The following VIRMA variants were observed in gnomAD, a reference collection of about 807,000 sequenced individuals.
VIRMA encodes the protein protein virilizer homolog.
In VIRMA, 65 loss-of-function variants were observed where a neutral mutation model predicts 182.4. That is an observed-to-expected ratio of 0.36 (90% CI 0.29 to 0.44). The LOEUF is 0.44. Ranked by LOEUF, VIRMA falls within the 20% of genes least tolerant of loss-of-function variation. VIRMA has a pLI of 1.00. For synonymous variants in VIRMA, 709 were observed against 743.1 expected (o/e 0.95, Z 0.75); for missense variants, 1,752 against 2,158.1 (o/e 0.81, Z 3.73).
intron 10 of VIRMA, among the ~76,000 whole-genome samples, chr8:94,516,975 A>AT (rs1814581324): frequency 2.0e-5 from 3 of 152,350 alleles, no homozygotes; most frequent in Admixed American, 2.0e-4. Flanking sequence ...AAAACTTATG[A>AT]TTAGGTATAT....
rs1814684463 is a variant in VIRMA at position 94,519,476 on chromosome 8, T to A, written c.2022A>T (p.Arg674Ser). 3 of 1,520,698 alleles carry A rather than the reference T, an allele frequency of 2.0e-6. No homozygotes were observed. Among genetic ancestry groups the A allele is most frequent in the Admixed American group, 2.3e-5 (1 of 43,722 alleles). The allele number at this position is 1,520,698 out of a possible 1,614,324, so 94.2% of individuals were successfully genotyped here. ...CCAAGAAGTGATGACTGTGAAGATATCTGTGGAAGAGTTAATTGATACATG... is the reference window on the plus strand; with the variant it reads ...CCAAGAAGTGATGACTGTGAAGATAACTGTGGAAGAGTTAATTGATACATG... ...ERDDPYPVLFRYLHSHHFLEL... is the reference protein window; with the variant it reads ...ERDDPYPVLFSYLHSHHFLEL... Residue 674 changes from arginine (R) to serine (S), a missense_variant and splice_region_variant, in exon 9 of 24, where the codon AGA becomes AGT. Arg to Ser is a moderately radical substitution (Grantham distance 110, BLOSUM62 -1). Coordinates refer to ENST00000297591, the MANE Select transcript of VIRMA (RefSeq NM_015496.5).
At chr8:94,528,058 C>A (rs948680990) in intron 7 of VIRMA, among the ~76,000 whole-genome samples, 13 of 151,720 alleles carry the variant, frequency 8.6e-5, no homozygotes, top group Non-Finnish European at 1.6e-4. Context: ...CATGGTGAAA[C>A]CCTGATCTCT....
chr8:94,511,331 A>G lies in VIRMA; in HGVS notation c.3244T>C (p.Ser1082Pro). 1.2e-6 allele frequency: 2 copies of G among 1,613,680 alleles called. No individual in the cohort carries two copies. The highest frequency in any genetic ancestry group is 8.5e-7 in the Non-Finnish European group (1 of 1,179,886). ...GTATTATTGGCCAGAGTCTCTTCTGAGATTGTGAGTTTTTCATTAACTCCT... is the reference window on the plus strand; with the variant it reads ...GTATTATTGGCCAGAGTCTCTTCTGGGATTGTGAGTTTTTCATTAACTCCT... ...TQGVNEKLTI[S>P]EETLANNTWS... Residue 1082 changes from serine (S) to proline (P), a missense_variant, in exon 13 of 24, where the codon TCA (serine) becomes CCA (proline). Ser to Pro is a moderately conservative substitution (Grantham distance 74, BLOSUM62 -1). Coordinates refer to ENST00000297591, the MANE Select transcript of VIRMA (RefSeq NM_015496.5).
intron 4 of VIRMA, among the ~76,000 whole-genome samples, chr8:94,535,270 A>G (rs1815300676): frequency 6.6e-6 from 1 of 152,062 alleles, no homozygotes; most frequent in Non-Finnish European, 1.5e-5. Flanking sequence ...GTATAACCAG[A>G]CTCCCATCCA....
At chr8:94,521,662 C>T (rs1330685821) in intron 8 of VIRMA, among the ~76,000 whole-genome samples, 1 of 152,068 alleles carries the variant, frequency 6.6e-6, no homozygotes, top group Admixed American at 6.5e-5. Flanking sequence ...TTCATAAACC[C>T]ATCAAAATAC....
rs1000310698 is a variant in VIRMA at position 94,510,569 on chromosome 8, G to C, written c.3474C>G (p.Leu1158=). 6.2e-7 allele frequency: 1 copy of C among 1,614,098 alleles called. No individual in the cohort carries two copies. The highest frequency in any genetic ancestry group is 8.5e-7 in the Non-Finnish European group (1 of 1,180,008). Residue 1158 remains leucine (L), a synonymous_variant, in exon 14 of 24, where the codon CTC becomes CTG. Transcript: ENST00000297591. ...SMHLHVQAKL[L]QEIVRSFSGT... ...CAGAGAAAGAGCGAACTATTTCTTG[G>C]AGCAACTTTGCTTGAACATGAAGGT...
chr8:94,548,364 C>T (rs749795719), intron 1 of VIRMA, among the ~76,000 whole-genome samples: 6 of 150,964 alleles, frequency 4.0e-5, no homozygotes, highest in Admixed American at 2.0e-4. Context: ...ACGTGGGCAA[C>T]GGGTGTATAC....
chr8:94,547,740 A>C (rs1563484270), intron 1 of VIRMA, among the ~76,000 whole-genome samples: 1 of 150,908 alleles, frequency 6.6e-6, no homozygotes, highest in Non-Finnish European at 1.5e-5. Flanking sequence ...CAGAAACCTA[A>C]ATGTATGAGA....
chr8:94,514,470 C>T (rs550917480), intron 11 of VIRMA, among the ~76,000 whole-genome samples: 1 of 152,266 alleles, frequency 6.6e-6, no homozygotes, highest in South Asian at 2.1e-4. Flanking sequence ...CTGGAATGGG[C>T]CCTATCAATT....
chr8:94,553,274 C>G, intron 1 of VIRMA, 111 bp downstream of exon 1: 1 of 1,092,996 alleles, frequency 9.1e-7, no homozygotes, highest in East Asian at 2.4e-5. Context: ...TGTGTGTAAG[C>G]GAGAAATTAA....
intron 5 of VIRMA, 39 bp from the exon 6 acceptor site, chr8:94,531,124 T>G: frequency 6.7e-7 from 1 of 1,500,550 alleles, no homozygotes; most frequent in African/African-American, 1.4e-5. Context: ...ACTTTCAAAT[T>G]ACAGATGACC....
Position 94,499,351 on chromosome 8 carries a change from A to G in VIRMA, c.4230+23T>C, listed in dbSNP as rs1158783883. On this transcript the variant is annotated intron_variant, in intron 17 of 23. Coordinates refer to ENST00000297591, the MANE Select transcript of VIRMA (RefSeq NM_015496.5). ...AAATACATACATACATATATACACA[A>G]ACACAAACACACACATACTTACAAT... 4 of 1,494,496 alleles carry G rather than the reference A, an allele frequency of 2.7e-6. No homozygotes were observed. The African/African-American group carries it at 4.2e-5, about 16-fold the overall frequency. The allele number at this position is 1,494,496 out of a possible 1,614,324, so 92.6% of individuals were successfully genotyped here.
chr8:94,493,197 T>C (rs891785648), intron 20 of VIRMA, among the ~76,000 whole-genome samples: 14 of 152,196 alleles, frequency 9.2e-5, no homozygotes, highest in African/African-American at 3.4e-4. Flanking sequence ...AACATTTCTA[T>C]TACAAAAAGA....
At chr8:94,512,474 A>C (rs554837761) in intron 11 of VIRMA, 1 of 152,580 alleles carries the variant, frequency 6.6e-6, no homozygotes, top group East Asian at 1.9e-4. Context: ...AGCAATGACT[A>C]TATTTAAAAA....
chr8:94,523,512 C>T (rs1044824400), intron 8 of VIRMA, among the ~76,000 whole-genome samples: 1 of 151,970 alleles, frequency 6.6e-6, no homozygotes, highest in African/African-American at 2.4e-5. Flanking sequence ...CAGGCTCAAG[C>T]AATCCTCCCA....
At chr8:94,548,369 G>A (rs756941013) in intron 1 of VIRMA, among the ~76,000 whole-genome samples, 2 of 151,016 alleles carry the variant, frequency 1.3e-5, no homozygotes, top group Middle Eastern at 3.2e-3. Context: ...GGCAACGGGT[G>A]TATACATTTA....
chr8:94,549,239 T>C (rs1307214158), intron 1 of VIRMA, among the ~76,000 whole-genome samples: 3 of 152,114 alleles, frequency 2.0e-5, no homozygotes, highest in African/African-American at 7.2e-5. Flanking sequence ...ACAAATACAA[T>C]ACCAAAAAAA....
chr8:94,492,944 C>G, intron 20 of VIRMA, 126 bp from the exon 21 acceptor site: 1 of 777,092 alleles, frequency 1.3e-6, no homozygotes, highest in East Asian at 2.8e-5. Flanking sequence ...ATAGATCTAC[C>G]TCTTTCATCT....
chr8:94,498,476 A>C (rs937834556), intron 17 of VIRMA: 1 of 152,214 alleles, frequency 6.6e-6, no homozygotes, highest in African/African-American at 2.4e-5. Flanking sequence ...TCAATGTCAT[A>C]AATTTTTTTC....
Sources: gnomAD v4.1 joint callset for allele counts (sites outside exome capture counted in the v4.1 genomes callset) on GRCh38, gnomAD v4.1.1 for gene constraint, MANE v1.5 for transcripts, NCBI Gene and HGNC (gene_info 2026-07-23, HGNC 2026-07-21) for gene names.